AMPD2: variants seen among roughly 807,000 people sequenced by gnomAD.
AMPD2 encodes adenosine monophosphate deaminase 2.
A neutral mutation model predicts 91.3 loss-of-function variants in AMPD2; 52 were observed. That is an observed-to-expected ratio of 0.57 (90% confidence interval 0.46 to 0.72). The LOEUF (loss-of-function observed/expected upper bound fraction) is 0.72, where lower values mean the gene tolerates loss of function less well. AMPD2 is among the 30% of genes least tolerant of loss of function. The pLI is 0.00. For synonymous variants in AMPD2, 455 were observed against 456.4 expected, an observed-to-expected ratio of 1.00 and a Z score of 0.04; for missense variants, 822 against 1,122.3, an observed-to-expected ratio of 0.73 and a Z score of 3.82.
Position 109,624,933 on chromosome 1 carries a change from G to A in AMPD2, c.92-370G>A, listed in dbSNP as rs1357952807. Among the ~76,000 whole-genome samples the A allele has an allele frequency of 1.3e-5, 2 of 152,182 alleles. No homozygotes were observed. Among genetic ancestry groups the A allele is most frequent in the Non-Finnish European group, 2.9e-5 (2 of 68,026 alleles). ...CTGGTGTGTGTCTCTGAGGGTGTCT[G>A]TGTGCGTACGTGCATGTGTGTGCAC... On this transcript the variant is annotated intron_variant, in intron 2 of 18. Coordinates refer to ENST00000528667, the MANE Select transcript of AMPD2 (RefSeq NM_001368809.2). The surrounding 1 kb of genome is among the most constrained non-coding windows in gnomAD (Gnocchi z 5.2).
intron 2 of AMPD2, among the ~76,000 whole-genome samples, chr1:109,621,638 T>A (rs1369458885): frequency 6.6e-6 from 1 of 152,204 alleles, no homozygotes; most frequent in East Asian, 1.9e-4. Flanking sequence ...CCACTCTGAC[T>A]GGCGCCTGTG....
Position 109,630,693 on chromosome 1 carries a change from T to G in AMPD2, c.2168T>G (p.Met723Arg). Residue 723 changes from methionine (M) to arginine (R), a missense_variant, in exon 18 of 19, where the codon ATG becomes AGG. Met to Arg is a moderately conservative substitution (Grantham distance 91, BLOSUM62 -1). Transcript: ENST00000528667. ...LQFHFTKEPL[M>R]EEYSIATQVW... ...ACCTGGCCCGTGCAGGAGCCGCTGA[T>G]GGAGGAGTACAGCATCGCCACCCAG... The G allele has an allele frequency of 6.2e-7, 1 of 1,611,434 alleles. No individual in the cohort carries two copies. The highest frequency in any genetic ancestry group is 2.2e-5 in the East Asian group (1 of 44,786).
rs1340668297 is a variant in AMPD2, at chr1:109,628,704, A to G, written c.1469A>G (p.Tyr490Cys). The G allele has an allele frequency of 1.9e-6, 3 of 1,613,418 alleles. No homozygotes were observed. Reference protein sequence around the residue: ...YQNAELRLSIYGRSRDEWDKL... With the variant: ...YQNAELRLSICGRSRDEWDKL... ...AATGCAGAGCTGCGGCTCTCCATTTACGGGCGCTCGAGGGATGAGTGGGAC... is the reference window on the plus strand; with the variant it reads ...AATGCAGAGCTGCGGCTCTCCATTTGCGGGCGCTCGAGGGATGAGTGGGAC... The change falls in exon 13 of 19, where the codon TAC (tyrosine) becomes TGC (cysteine). Residue 490 changes from tyrosine to cysteine, a missense_variant. This residue lies in a region of AMPD2 where 430 missense variants were observed against 606.0 expected (regional missense o/e 0.71). Transcript: ENST00000528667. This position sits in a 1 kb window ranked among gnomAD's most constrained non-coding sequence, Gnocchi z 7.1.
In AMPD2 at chr1:109,631,379, G is replaced by T. The variant is rs929502908; in HGVS notation, c.*227G>T. The T allele has an allele frequency of 3.4e-6, 2 of 589,094 alleles. No individual in the cohort carries two copies. The highest frequency in any genetic ancestry group is 1.9e-5 in the African/African-American group (1 of 53,628). The allele number at this position is 589,094 out of a possible 1,614,324, so 36.5% of individuals were successfully genotyped here. ...GAGCCTGATGGCCCAGGTATTGAGGGCCTCCCCTGCTGGTGGCCCTGTCCT... is the reference window on the plus strand; with the variant it reads ...GAGCCTGATGGCCCAGGTATTGAGGTCCTCCCCTGCTGGTGGCCCTGTCCT... On this transcript the variant is annotated 3_prime_UTR_variant, in exon 19 of 19. Transcript: ENST00000528667.
intron 2 of AMPD2, among the ~76,000 whole-genome samples, chr1:109,622,012 T>C (rs1650313466): frequency 6.6e-6 from 1 of 152,232 alleles, no homozygotes; most frequent in East Asian, 1.9e-4. Context: ...CTTGGCTGCC[T>C]GGCTCTGTGC....
intron 16 of AMPD2, 118 bp downstream of exon 16, chr1:109,630,034 C>G: frequency 6.8e-7 from 1 of 1,472,784 alleles, no homozygotes; most frequent in Non-Finnish European, 9.2e-7. Context: ...TCTGCCTTCC[C>G]AATGTAACTA....
At chr1:109,623,442 G>T (rs1199084539) in intron 2 of AMPD2, among the ~76,000 whole-genome samples, 2 of 152,206 alleles carry the variant, frequency 1.3e-5, no homozygotes, top group African/African-American at 4.8e-5. Flanking sequence ...CTAGGGGCCT[G>T]CGAACCAGCC....
At position 109,624,149 on chromosome 1, in the gene AMPD2, C is replaced by T. The variant is rs1034394577; in HGVS notation, c.92-1154C>T. 1 of 889,426 alleles carries T rather than the reference C, an allele frequency of 1.1e-6. No individual in the cohort carries two copies. Among genetic ancestry groups the T allele is most frequent in the East Asian group, 1.2e-4 (1 of 8,370 alleles). The allele number at this position is 889,426 out of a possible 1,614,324, so 55.1% of individuals were successfully genotyped here. On this transcript the variant is annotated intron_variant, in intron 2 of 18. Coordinates refer to ENST00000528667, the MANE Select transcript of AMPD2 (RefSeq NM_001368809.2). The surrounding 1 kb of genome is among the most constrained non-coding windows in gnomAD (Gnocchi z 5.2). ...ACGGGGTCCTGGATCTGGGGCAGGCCCCTCCCTCTTCCCTTTGTCCAGCTT... is the reference window on the plus strand; with the variant it reads ...ACGGGGTCCTGGATCTGGGGCAGGCTCCTCCCTCTTCCCTTTGTCCAGCTT...
intron 6 of AMPD2, 31 bp downstream of exon 6, chr1:109,626,458 C>T (rs369298939): frequency 2.8e-5 from 44 of 1,563,814 alleles, no homozygotes; most frequent in Non-Finnish European, 3.6e-5. Context: ...GGGTGAGTCG[C>T]CATCACCTAT....
At position 109,627,226 on chromosome 1, in the gene AMPD2, A is replaced by T. The variant is rs529789098; in HGVS notation, c.770A>T (p.Glu257Val). Residue 257 changes from glutamate to valine, a missense_variant, in exon 8 of 19, where the codon GAG becomes GTG. Glu to Val is a moderately radical substitution (Grantham distance 121). Around this residue, in one of 5 missense-constraint regions of AMPD2, gnomAD observed 240 missense variants for 270.3 expected, o/e 0.89. Transcript: ENST00000528667. ...GAGCAGCACCCGTATGAGCACTGTGAGCCAAGCACCATGCCTGGGGACCTG... is the reference window on the plus strand; with the variant it reads ...GAGCAGCACCCGTATGAGCACTGTGTGCCAAGCACCATGCCTGGGGACCTG... ...ALEQHPYEHC[E>V]PSTMPGDLGL... The T allele has an allele frequency of 6.2e-7, 1 of 1,613,436 alleles. No homozygotes were observed. Among genetic ancestry groups the T allele is most frequent in the Admixed American group, 1.7e-5 (1 of 59,892 alleles).
In AMPD2 at chr1:109,626,780, A is replaced by G. The variant is rs780772416; in HGVS notation, c.586A>G (p.Ile196Val). 8.7e-6 allele frequency: 14 copies of G among 1,613,866 alleles called. No homozygotes were observed. Among genetic ancestry groups the G allele is most frequent in the Non-Finnish European group, 1.2e-5 (14 of 1,179,890 alleles). ...AAKSVVRALF[I>V]REKYMALSLQ... ...CAAGAGTGTGGTGCGGGCGCTCTTCATCCGGGAGAAGTACATGGCCCTGTC... is the reference window on the plus strand; with the variant it reads ...CAAGAGTGTGGTGCGGGCGCTCTTCGTCCGGGAGAAGTACATGGCCCTGTC... Residue 196 changes from isoleucine (I) to valine (V), a missense_variant, in exon 7 of 19, where the codon ATC (isoleucine) becomes GTC (valine). Around this residue, in one of 5 missense-constraint regions of AMPD2, gnomAD observed 240 missense variants for 270.3 expected, o/e 0.89. Transcript: ENST00000528667.
rs764200213 is a variant in AMPD2 at position 109,626,223 on chromosome 1, C to T, written c.417C>T (p.Asp139=). The change falls in exon 5 of 19, where the codon GAC becomes GAT. Residue 139 remains aspartate, a synonymous_variant. Coordinates refer to ENST00000528667, the MANE Select transcript of AMPD2 (RefSeq NM_001368809.2). The stretch of plus-strand genomic sequence containing the variant: ...TCCTGAAGACGGACAGTGACTCGGA[C>T]CTACAGTGAGGAGGGCAGAGGGGCA... ...QDFLKTDSDS[D]LQLYKEQGEG... 1 of 1,614,164 alleles carries T rather than the reference C, an allele frequency of 6.2e-7. No homozygotes were observed.
chr1:109,631,030 G>A lies in AMPD2; in HGVS notation c.2356G>A (p.Val786Met), dbSNP rs1038283186. The change falls in exon 19 of 19, where the codon GTG becomes ATG. Residue 786 changes from valine to methionine, a missense_variant. By Grantham distance (21) the Val-to-Met change is conservative. This residue lies in a region of AMPD2 where 430 missense variants were observed against 606.0 expected (regional missense o/e 0.71). Coordinates refer to ENST00000528667, the MANE Select transcript of AMPD2 (RefSeq NM_001368809.2). ...IRRTNVPDIR[V>M]GYRYETLCQE... is the part of the protein sequence containing the mutation. The stretch of plus-strand genomic sequence containing the variant: ...CCGGACCAATGTGCCAGACATCCGC[G>A]TGGGCTACCGCTACGAGACCCTGTG... 6.8e-6 allele frequency: 11 copies of A among 1,614,036 alleles called. No individual in the cohort carries two copies. In the Admixed American group the frequency reaches 8.3e-5, roughly 12 times the overall value.
chr1:109,626,664 C>G, intron 6 of AMPD2, 62 bp from the exon 7 acceptor site: 1 of 1,564,342 alleles, frequency 6.4e-7, no homozygotes, highest in Non-Finnish European at 8.7e-7. Flanking sequence ...TAAGATAAGG[C>G]CTTAGGGAGG....
Position 109,626,215 on chromosome 1 carries a change from G to T in AMPD2, c.409G>T (p.Asp137Tyr). ...AKQDFLKTDS[D>Y]SDLQLYKEQG... ...GCAAGATTTCCTGAAGACGGACAGT[G>T]ACTCGGACCTACAGTGAGGAGGGCA... The change falls in exon 5 of 19, where the codon GAC (aspartate) becomes TAC (tyrosine). Residue 137 changes from aspartate to tyrosine, a missense_variant. By Grantham distance (160) the Asp-to-Tyr change is radical. Coordinates refer to ENST00000528667, the MANE Select transcript of AMPD2 (RefSeq NM_001368809.2). The T allele has an allele frequency of 6.2e-7, 1 of 1,614,174 alleles. No individual in the cohort carries two copies. Among genetic ancestry groups the T allele is most frequent in the South Asian group, 1.1e-5 (1 of 91,056 alleles).
intron 1 of AMPD2, chr1:109,620,692 G>A (rs1193681834): frequency 3.3e-6 from 4 of 1,210,200 alleles, no homozygotes; most frequent in East Asian, 3.9e-5. Flanking sequence ...GCCCTGCCCC[G>A]GGAGGACTGT....
In AMPD2 at chr1:109,628,108, C is replaced by T; in HGVS notation, c.1106C>T (p.Ser369Phe). Residue 369 changes from serine to phenylalanine, a missense_variant, in exon 11 of 19, where the codon TCC becomes TTC. Ser to Phe is a radical substitution (Grantham distance 155). Around this residue, in one of 5 missense-constraint regions of AMPD2, gnomAD observed 37 missense variants for 84.8 expected, o/e 0.44. Coordinates refer to ENST00000528667, the MANE Select transcript of AMPD2 (RefSeq NM_001368809.2). This position sits in a 1 kb window ranked among gnomAD's most constrained non-coding sequence, Gnocchi z 7.1. ...GTGGACACCCACATCCATGCCTCGT[C>T]CTGCATGAACCAGAAGCATCTGCTG... The part of the protein sequence containing the change: ...RKVDTHIHAS[S>F]CMNQKHLLRF... The T allele has an allele frequency of 6.2e-7, 1 of 1,613,952 alleles. No individual in the cohort carries two copies. Among genetic ancestry groups the T allele is most frequent in the Non-Finnish European group, 8.5e-7 (1 of 1,179,966 alleles).
chr1:109,625,362 G>A lies in AMPD2; in HGVS notation c.151G>A (p.Ala51Thr), dbSNP rs768390114. ...GTCTGCCCGATCCCTGCCGGGCCCC[G>A]CCCCCTGCCTCAAGCACTTCCCGCT... ...LQSARSLPGP[A>T]PCLKHFPLDL... Residue 51 changes from alanine (A) to threonine (T), a missense_variant, in exon 3 of 19, where the codon GCC becomes ACC. Around this residue, in one of 5 missense-constraint regions of AMPD2, gnomAD observed 105 missense variants for 125.0 expected, o/e 0.84. Transcript: ENST00000528667. This position sits in a 1 kb window ranked among gnomAD's most constrained non-coding sequence, Gnocchi z 4.0. 4 of 1,613,692 alleles carry A rather than the reference G, an allele frequency of 2.5e-6. No homozygotes were observed. The highest frequency in any genetic ancestry group is 1.1e-5 in the South Asian group (1 of 91,082).
In AMPD2 at chr1:109,626,322, C is replaced by T; in HGVS notation, c.426C>T (p.Leu142=). Reference sequence around the variant, plus strand: ...CCCTTGAATGCACCCCCTGCAGGCTCTACAAGGAACAGGGTGAGGGGCAGG... The same window carrying T: ...CCCTTGAATGCACCCCCTGCAGGCTTTACAAGGAACAGGGTGAGGGGCAGG... ...LKTDSDSDLQ[L]YKEQGEGQGD... The change falls in exon 6 of 19, where the codon CTC becomes CTT. Residue 142 remains leucine (L), a synonymous_variant. Coordinates refer to ENST00000528667, the MANE Select transcript of AMPD2 (RefSeq NM_001368809.2). The T allele has an allele frequency of 6.2e-7, 1 of 1,613,540 alleles. No individual in the cohort carries two copies.
Sources: allele counts gnomAD v4.1 joint callset (sites outside exome capture counted in the v4.1 genomes callset), GRCh38; gene constraint gnomAD v4.1.1; regional missense constraint gnomAD v4.1.1; non-coding constraint Gnocchi (gnomAD v3.1); transcripts MANE v1.5; gene names NCBI Gene and HGNC (gene_info 2026-07-23, HGNC 2026-07-21).